Variants in SMARCA2 observed in about 807,000 individuals in gnomAD.
The protein encoded by SMARCA2 is SWI/SNF-related matrix-associated actin-dependent regulator of chromatin subfamily A member 2.
In SMARCA2, 61 loss-of-function variants were observed where a neutral mutation model predicts 199.8. That is an observed-to-expected ratio of 0.31 (90% CI 0.25 to 0.38). SMARCA2 has a LOEUF of 0.38. SMARCA2 is among the 10% of genes least tolerant of loss of function. The pLI, the probability that SMARCA2 is intolerant of heterozygous loss-of-function variation, is 1.00. For missense variants in SMARCA2, 1,344 were observed against 2,012.2 expected, an observed-to-expected ratio of 0.67 and a Z score of 6.35; for synonymous variants, 935 against 732.0, an observed-to-expected ratio of 1.28 and a Z score of -4.48.
In SMARCA2 at chr9:2,123,838, C is replaced by G. The variant is rs751409386; in HGVS notation, c.3882C>G (p.Leu1294=). 2 of 1,612,184 alleles carry G rather than the reference C, an allele frequency of 1.2e-6. No individual in the cohort carries two copies. Among genetic ancestry groups the G allele is most frequent in the Admixed American group, 3.3e-5 (2 of 59,778 alleles). Residue 1294 remains leucine, a synonymous_variant, in exon 27 of 34, where the codon CTC becomes CTG. Transcript: ENST00000349721. The surrounding 1 kb of genome is among the most constrained non-coding windows in gnomAD (Gnocchi z 4.1). ...IIKDDAEVER[L]TCEEEEEKIF... ...AGGATGACGCTGAAGTAGAAAGGCT[C>G]ACCTGTGAAGAAGAGGAGGAGAAAA...
chr9:2,190,006 G>C (rs1263324791), intron 32 of SMARCA2, among the ~76,000 whole-genome samples: 1 of 152,126 alleles, frequency 6.6e-6, no homozygotes, highest in African/African-American at 2.4e-5. Context: ...AGCAAAGCTA[G>C]CTTGAATGAG....
intron 33 of SMARCA2, 190 bp downstream of exon 33, chr9:2,191,598 G>T: frequency 2.0e-6 from 1 of 510,508 alleles, no homozygotes; most frequent in Non-Finnish European, 3.4e-6. Context: ...TGGGGGCTTT[G>T]TTTATTGCCT....
chr9:2,017,683 C>A lies in SMARCA2; in HGVS notation c.-37+2279C>A, dbSNP rs1818419945. On this transcript the variant is annotated intron_variant, in intron 1 of 33. Transcript: ENST00000349721. The surrounding 1 kb of genome is among the most constrained non-coding windows in gnomAD (Gnocchi z 8.8). ...GGAAGCGGCAGCGGCGGGGGCCGGG[C>A]CGCGGGCTGTGGCGCGGGCCTAGAG... The A allele has an allele frequency of 6.6e-6, 1 of 152,010 alleles. No individual in the cohort carries two copies. The allele number at this position is 152,010 out of a possible 1,614,324, so 9.4% of individuals were successfully genotyped here.
At chr9:2,069,127 A>G (rs557436510) in intron 9 of SMARCA2, 2 of 150,772 alleles carry the variant, frequency 1.3e-5, no homozygotes, top group African/African-American at 2.4e-5. Flanking sequence ...CGTGTTAGCC[A>G]GGATGGTCTC....
intron 27 of SMARCA2, among the ~76,000 whole-genome samples, chr9:2,141,303 A>T (rs1461563188): frequency 6.6e-6 from 1 of 152,186 alleles, no homozygotes; most frequent in Non-Finnish European, 1.5e-5. Context: ...TATTTCTCCC[A>T]TTCTGCAGGT....
chr9:2,178,258 T>G (rs549459433), intron 29 of SMARCA2, among the ~76,000 whole-genome samples: 1 of 152,278 alleles, frequency 6.6e-6, no homozygotes, highest in Admixed American at 6.5e-5. Flanking sequence ...TTTAAACTTG[T>G]ATTTCAAGTT....
chr9:2,171,247 A>G (rs1436641212), intron 29 of SMARCA2, among the ~76,000 whole-genome samples: 1 of 151,364 alleles, frequency 6.6e-6, no homozygotes, highest in Non-Finnish European at 1.5e-5. Flanking sequence ...ACCTGTACTT[A>G]AAAAAAAAGT....
chr9:2,190,667 A>C (rs1226677965), intron 32 of SMARCA2, among the ~76,000 whole-genome samples: 1 of 152,178 alleles, frequency 6.6e-6, no homozygotes, highest in East Asian at 1.9e-4. Context: ...AGAGAAATGG[A>C]TGTACTTGCA....
At chr9:2,106,134 C>G (rs1286540476) in intron 23 of SMARCA2, among the ~76,000 whole-genome samples, 3 of 152,198 alleles carry the variant, frequency 2.0e-5, no homozygotes, top group African/African-American at 7.2e-5. Flanking sequence ...ACTGTTATCC[C>G]TGTCAACCAG....
intron 27 of SMARCA2, among the ~76,000 whole-genome samples, chr9:2,140,031 A>G (rs1283687929): frequency 6.6e-6 from 1 of 152,202 alleles, no homozygotes; most frequent in East Asian, 1.9e-4. Flanking sequence ...GGAGTCAACT[A>G]TGTCAGATTT....
chr9:2,193,006 G>C lies in SMARCA2; in HGVS notation c.*267G>C. 1 of 433,302 alleles carries C rather than the reference G, an allele frequency of 2.3e-6. No homozygotes were observed. Among genetic ancestry groups the C allele is most frequent in the Non-Finnish European group, 4.1e-6 (1 of 245,082 alleles). The allele number at this position is 433,302 out of a possible 1,614,324, so 26.8% of individuals were successfully genotyped here. ...AAAAGCTTTTGATGGAAAATATGTG[G>C]GTGGATAGTATATTTCTATGGGTGG... On this transcript the variant is annotated 3_prime_UTR_variant, in exon 34 of 34. Coordinates refer to ENST00000349721, the MANE Select transcript of SMARCA2 (RefSeq NM_003070.5).
At position 2,017,296 on chromosome 9, in the gene SMARCA2, C is replaced by G. The variant is rs1390769975; in HGVS notation, c.-37+1892C>G. On this transcript the variant is annotated intron_variant, in intron 1 of 33. Coordinates refer to ENST00000349721, the MANE Select transcript of SMARCA2 (RefSeq NM_003070.5). The surrounding 1 kb of genome is among the most constrained non-coding windows in gnomAD (Gnocchi z 8.8). ...GCAGGAAAAAAAAAGTTTGGCAGGG[C>G]GGCTAAGTAGGGTGGAGGGGTGGGA... 1.4e-5 allele frequency: 2 copies of G among 142,572 alleles called. No homozygotes were observed. The highest frequency in any genetic ancestry group is 5.2e-5 in the African/African-American group (2 of 38,306). 8.8% of individuals were successfully genotyped at this position (142,572 alleles called of 1,614,324 possible).
intron 27 of SMARCA2, among the ~76,000 whole-genome samples, chr9:2,153,806 A>G (rs796536410): frequency 4.0e-5 from 6 of 151,136 alleles, no homozygotes; most frequent in African/African-American, 1.2e-4. Flanking sequence ...ACGTCTATGC[A>G]AAGCTGTGTG....
chr9:2,043,759 A>G (rs1246803954), intron 4 of SMARCA2: 2 of 152,118 alleles, frequency 1.3e-5, no homozygotes, highest in African/African-American at 2.4e-5. Flanking sequence ...TTGTTACCCT[A>G]TTGCATCAAA....
rs1016539265 is a variant in SMARCA2, at chr9:2,175,184, A to G, written c.4253+4712A>G. ...GCAGTGGAGTTCTGTACCTGCACCC[A>G]CTGTTATGAAACGTCAAGTGAGAAA... On this transcript the variant is annotated intron_variant, in intron 29 of 33. Coordinates refer to ENST00000349721, the MANE Select transcript of SMARCA2 (RefSeq NM_003070.5). Among the ~76,000 whole-genome samples, 3 of 152,138 alleles carry G rather than the reference A, an allele frequency of 2.0e-5. No individual in the cohort carries two copies. In the South Asian group the frequency reaches 6.2e-4, roughly 31 times the overall value.
At chr9:2,041,501 A>T in intron 4 of SMARCA2, 2 of 398,066 alleles carry the variant, frequency 5.0e-6, no homozygotes, top group Non-Finnish European at 4.4e-6. Context: ...AATTATGAGG[A>T]CTCTACTCTC....
Position 2,073,223 on chromosome 9 carries a change from G to C in SMARCA2, c.1758G>C (p.Glu586Asp). The change falls in exon 11 of 34, where the codon GAG (glutamate) becomes GAC (aspartate). Residue 586 changes from glutamate (E) to aspartate (D), a missense_variant. Coordinates refer to ENST00000349721, the MANE Select transcript of SMARCA2 (RefSeq NM_003070.5). ...ALGPDGEPID[E>D]SSQMSDLPVK... ...TCCCTCCTTTGTAGCCCATAGATGA[G>C]AGCAGCCAGATGAGTGACCTCCCTG... 1 of 1,614,162 alleles carries C rather than the reference G, an allele frequency of 6.2e-7. No homozygotes were observed. The highest frequency in any genetic ancestry group is 1.1e-5 in the South Asian group (1 of 91,080).
chr9:2,023,859 G>A (rs893198856), intron 1 of SMARCA2, among the ~76,000 whole-genome samples: 5 of 152,164 alleles, frequency 3.3e-5, no homozygotes, highest in African/African-American at 4.8e-5. Flanking sequence ...CAGGTCAGGG[G>A]AGATGTTCTG....
intron 13 of SMARCA2, among the ~76,000 whole-genome samples, chr9:2,076,759 C>G (rs768030707): frequency 5.9e-5 from 9 of 152,080 alleles, no homozygotes; most frequent in Non-Finnish European, 7.3e-5. Flanking sequence ...CCATTCCTGT[C>G]TTACTCCTGC....
Sources: gnomAD v4.1 joint callset for allele counts (sites outside exome capture counted in the v4.1 genomes callset) on GRCh38, gnomAD v4.1.1 for gene constraint, Gnocchi (gnomAD v3.1) non-coding constraint, MANE v1.5 for transcripts, NCBI Gene and HGNC (gene_info 2026-07-23, HGNC 2026-07-21) for gene names.